The following SANBR variants were observed in gnomAD, a reference collection of about 807,000 sequenced individuals.
SANBR encodes SANT and BTB domain regulator of class switch recombination.
Under a neutral mutation model 101.8 loss-of-function variants are expected in SANBR, and 77 were observed. The ratio of observed to expected loss-of-function variants is 0.76; its 90% CI spans 0.63 to 0.91. The LOEUF (loss-of-function observed/expected upper bound fraction) is 0.91. Ranked by LOEUF, SANBR falls within the 40% of genes least tolerant of loss-of-function variation. The pLI is 0.00. For missense variants in SANBR, 875 were observed against 853.0 expected, an observed-to-expected ratio of 1.03 and a Z score of -0.32; for synonymous variants, 279 against 274.7, an observed-to-expected ratio of 1.02 and a Z score of -0.15.
intron 18 of SANBR, 27 bp from the exon 19 acceptor site, chr2:61,117,440 C>T: frequency 6.2e-7 from 1 of 1,612,452 alleles, no homozygotes; most frequent in Non-Finnish European, 8.5e-7. Context: ...AGCATCAATG[C>T]TGATTTTTGT....
In SANBR at chr2:61,116,103, A is replaced by G. The variant is rs764892635; in HGVS notation, c.1836+33A>G. 6 of 1,423,500 alleles carry G rather than the reference A, an allele frequency of 4.2e-6. No homozygotes were observed. The African/African-American group carries it at 4.3e-5, about 10-fold the overall frequency. The allele number at this position is 1,423,500 out of a possible 1,614,324, so 88.2% of individuals were successfully genotyped here. A position where few individuals can be genotyped will look rare whatever the true frequency, so the allele number is the denominator to read the frequency against. On this transcript the variant is annotated intron_variant, in intron 17 of 21. Transcript: ENST00000402291. ...TGAATTATCTGTTGTTAAAGTTCAT[A>G]TGGAAAAATAAGCATGTGAGTATAG...
At chr2:61,128,182 GAAT>G (rs1281344389), downstream of SANBR, among the ~76,000 whole-genome samples, 1 of 151,382 alleles carries the variant, frequency 6.6e-6, no homozygotes, top group Non-Finnish European at 1.5e-5. Flanking sequence ...TGAGGCAGGA[GAAT>G]CGCTTGAACC....
intron 8 of SANBR, among the ~76,000 whole-genome samples, chr2:61,086,757 G>A (rs555395423): frequency 4.6e-5 from 7 of 152,130 alleles, no homozygotes; most frequent in Non-Finnish European, 1.0e-4. Flanking sequence ...TGTTTTTTTA[G>A]GAAGGGAGAT....
intron 13 of SANBR, among the ~76,000 whole-genome samples, chr2:61,104,367 A>T (rs1307944568): frequency 6.6e-6 from 1 of 151,938 alleles, no homozygotes; most frequent in Non-Finnish European, 1.5e-5. Context: ...CTGTAGTCCC[A>T]GCTACTTGGG....
intron 20 of SANBR, among the ~76,000 whole-genome samples, chr2:61,132,294 T>C (rs1684712465): frequency 6.6e-6 from 1 of 152,338 alleles, no homozygotes; most frequent in South Asian, 2.1e-4. Context: ...ATCCAGAATG[T>C]ATAAAGAATG....
chr2:61,070,360 G>A lies in SANBR; in HGVS notation c.10G>A (p.Gly4Arg). The A allele has an allele frequency of 6.3e-7, 1 of 1,579,100 alleles. No individual in the cohort carries two copies. The highest frequency in any genetic ancestry group is 8.6e-7 in the Non-Finnish European group (1 of 1,167,252). The change falls in exon 3 of 22, where the codon GGA (glycine) becomes AGA (arginine). Residue 4 changes from glycine (G) to arginine (R), a missense_variant. Physicochemically the swap from Gly to Arg is moderately radical, Grantham distance 125 (BLOSUM62 -2). Transcript: ENST00000402291. ...TCCCTAGTTCCAAAAGATGAGTCGT[G>A]GATATTCAGAAAACAACAATTTCCT... Reference protein sequence around the residue: MSRGYSENNNFLNN... With the variant: MSRRYSENNNFLNN...
intron 16 of SANBR, among the ~76,000 whole-genome samples, chr2:61,111,160 G>A (rs776308955): frequency 1.3e-5 from 2 of 152,138 alleles, no homozygotes; most frequent in Non-Finnish European, 2.9e-5. Flanking sequence ...TTGGGAGGCC[G>A]AGGCGGGCGG....
At chr2:61,121,788 C>A (rs1246319394) in intron 21 of SANBR, among the ~76,000 whole-genome samples, 1 of 152,090 alleles carries the variant, frequency 6.6e-6, no homozygotes, top group Non-Finnish European at 1.5e-5. Flanking sequence ...CCAGAAAGTT[C>A]AAAAAGCTGA....
chr2:61,083,425 C>G, intron 8 of SANBR, 111 bp downstream of exon 8: 1 of 784,284 alleles, frequency 1.3e-6, no homozygotes, highest in South Asian at 1.9e-5. Flanking sequence ...GAGAAAGGTT[C>G]TCACTCTGTT....
chr2:61,080,802 A>T (rs1682080803), intron 6 of SANBR, among the ~76,000 whole-genome samples: 3 of 152,112 alleles, frequency 2.0e-5, no homozygotes. Flanking sequence ...TACTTATTTT[A>T]ACCATTGTCT....
Position 61,122,213 on chromosome 2 carries a change from G to T in SANBR, c.*51G>T. On this transcript the variant is annotated 3_prime_UTR_variant, in exon 22 of 22. Transcript: ENST00000402291. ...AGAGAAGGCACTCTTCTGGACATCT[G>T]AAATTGCTCACTTCTTGAAGATCTT... 6.6e-7 allele frequency: 1 copy of T among 1,513,244 alleles called. No homozygotes were observed. Among genetic ancestry groups the T allele is most frequent in the Non-Finnish European group, 8.9e-7 (1 of 1,129,574 alleles). The allele number at this position is 1,513,244 out of a possible 1,614,324, so 93.7% of individuals were successfully genotyped here.
At position 61,118,134 on chromosome 2, in the gene SANBR, G is replaced by C. The variant is rs773329008; in HGVS notation, c.2028+18G>C. 4.5e-6 allele frequency: 7 copies of C among 1,547,258 alleles called. No homozygotes were observed. Among genetic ancestry groups the C allele is most frequent in the Non-Finnish European group, 5.3e-6 (6 of 1,122,422 alleles). ...CAAAAGAAGTAAGAATTGTGTACTA[G>C]TGTATTGTACTTGTGTAAAATATGC... is the stretch of plus-strand genomic sequence containing the variant. On this transcript the variant is annotated intron_variant, in intron 20 of 21. Coordinates refer to ENST00000402291, the MANE Select transcript of SANBR (RefSeq NM_001129993.3).
At chr2:61,106,218 C>G (rs995040070) in intron 13 of SANBR, among the ~76,000 whole-genome samples, 3 of 151,434 alleles carry the variant, frequency 2.0e-5, no homozygotes, top group South Asian at 4.2e-4. Context: ...ATGGTGAAAC[C>G]CCGTTTCTAC....
chr2:61,114,346 A>G (rs1339920940), intron 16 of SANBR, among the ~76,000 whole-genome samples: 1 of 152,318 alleles, frequency 6.6e-6, no homozygotes, highest in Admixed American at 6.5e-5. Context: ...ACCGTTGCCA[A>G]CCCACTTAGT....
chr2:61,081,309 A>C (rs561416974), intron 6 of SANBR, 143 bp from the exon 7 acceptor site: 3 of 723,532 alleles, frequency 4.1e-6, no homozygotes, highest in Admixed American at 4.0e-5. Context: ...TCTTTATTTT[A>C]TGTATCTAAC....
intron 6 of SANBR, among the ~76,000 whole-genome samples, chr2:61,080,176 G>A (rs553607828): frequency 3.2e-5 from 4 of 126,236 alleles, no homozygotes; most frequent in African/African-American, 9.4e-5. Flanking sequence ...CAGTCTGGGC[G>A]AAGGAGTGAA....
At chr2:61,077,203 C>A in intron 6 of SANBR, 45 bp downstream of exon 6, 1 of 1,376,724 alleles carries the variant, frequency 7.3e-7, no homozygotes, top group Non-Finnish European at 1.0e-6. Flanking sequence ...ATTTGTGTGT[C>A]ACCTGGTAGT....
At chr2:61,132,888 G>C (rs1045114314) in intron 20 of SANBR, among the ~76,000 whole-genome samples, 1 of 152,178 alleles carries the variant, frequency 6.6e-6, no homozygotes, top group African/African-American at 2.4e-5. Flanking sequence ...AAGATCACAC[G>C]CTGCATGACT....
At chr2:61,089,900 T>C (rs1300097272) in intron 10 of SANBR, among the ~76,000 whole-genome samples, 3 of 152,028 alleles carry the variant, frequency 2.0e-5, no homozygotes, top group Non-Finnish European at 4.4e-5. Context: ...TCAAGAGATC[T>C]TCTTGCCTGT....
Sources: gnomAD v4.1 joint callset for allele counts (sites outside exome capture counted in the v4.1 genomes callset) on GRCh38, gnomAD v4.1.1 for gene constraint, MANE v1.5 for transcripts, NCBI Gene and HGNC (gene_info 2026-07-23, HGNC 2026-07-21) for gene names.